Variants in PHKB observed in about 807,000 individuals in gnomAD.
PHKB encodes phosphorylase b kinase regulatory subunit beta.
PHKB carries 122 observed loss-of-function variants against 152.1 expected under a neutral mutation model. The ratio of observed to expected loss-of-function variants is 0.80; its 90% confidence interval spans 0.69 to 0.93. PHKB has a LOEUF of 0.93. PHKB is among the 40% of genes least tolerant of loss of function. The pLI is 0.00. For synonymous variants in PHKB, 436 were observed against 464.9 expected, an observed-to-expected ratio of 0.94 and a Z score of 0.80; for missense variants, 1,304 against 1,328.4, an observed-to-expected ratio of 0.98 and a Z score of 0.29.
At chr16:47,672,765 A>G (rs761926649) in intron 26 of PHKB, among the ~76,000 whole-genome samples, 1 of 152,016 alleles carries the variant, frequency 6.6e-6, no homozygotes, top group Admixed American at 6.6e-5. Flanking sequence ...CTTTCTATTC[A>G]TGGGAATGGA....
At position 47,682,953 on chromosome 16, in the gene PHKB, C is replaced by A. The variant is rs1033106562; in HGVS notation, c.2631-6088C>A. On this transcript the variant is annotated intron_variant, in intron 26 of 30. Transcript: ENST00000323584. ...ACAGAAGGGTTTTTGGTGTGGATGT[C>A]CTTTCTGTTTGTTAGTTTTCCTTCT... Among the ~76,000 whole-genome samples the A allele has an allele frequency of 3.3e-5, 5 of 152,254 alleles. No individual in the cohort carries two copies. In the East Asian group the frequency reaches 9.6e-4, roughly 29 times the overall value.
At chr16:47,570,936 T>C (rs1172949357) in intron 7 of PHKB, among the ~76,000 whole-genome samples, 3 of 152,168 alleles carry the variant, frequency 2.0e-5, no homozygotes, top group African/African-American at 7.2e-5. Flanking sequence ...TTATTGAATT[T>C]ACTTTTGATT....
rs560483607 is a variant in PHKB at position 47,654,386 on chromosome 16, C to T, written c.1971+3465C>T. 5.3e-5 allele frequency among the ~76,000 whole-genome samples: 8 copies of T among 152,238 alleles called. No homozygotes were observed. In the South Asian group the frequency reaches 8.3e-4, roughly 16 times the overall value. ...AAACTAGTTCAACCATTGTGGATGT[C>T]GGTGTGGCGATTCCTCAAGGATCTA... is the stretch of plus-strand genomic sequence containing the variant. On this transcript the variant is annotated intron_variant, in intron 20 of 30. Coordinates refer to ENST00000323584, the MANE Select transcript of PHKB (RefSeq NM_000293.3).
At chr16:47,565,714 G>A in intron 7 of PHKB, 2 of 1,470,956 alleles carry the variant, frequency 1.4e-6, no homozygotes, top group South Asian at 1.2e-5. Context: ...CTCTCCCGAG[G>A]CCATCGTTCT....
At position 47,650,567 on chromosome 16, in the gene PHKB, A is replaced by G. The variant is rs1567341713; in HGVS notation, c.1821A>G (p.Gln607=). 6 of 1,608,366 alleles carry G rather than the reference A, an allele frequency of 3.7e-6. No homozygotes were observed. Among genetic ancestry groups the G allele is most frequent in the East Asian group, 2.2e-5 (1 of 44,826 alleles). ...DIKNALQFIK[Q]YWKMHGRPLF... is the part of the protein sequence containing the mutation. ...AGAATGCGCTGCAGTTCATTAAACAATATTGGAAAATGCATGGACGTCCAC... is the reference window on the plus strand; with the variant it reads ...AGAATGCGCTGCAGTTCATTAAACAGTATTGGAAAATGCATGGACGTCCAC... Residue 607 remains glutamine (Q), a synonymous_variant, in exon 19 of 31, where the codon CAA becomes CAG. Coordinates refer to ENST00000323584, the MANE Select transcript of PHKB (RefSeq NM_000293.3).
intron 3 of PHKB, 103 bp downstream of exon 3, chr16:47,499,997 A>C: frequency 1.2e-5 from 16 of 1,314,678 alleles, no homozygotes; most frequent in Non-Finnish European, 1.8e-5. Flanking sequence ...CTGCTGACTC[A>C]CTGTGCGACC....
At chr16:47,588,473 C>A (rs1971972219) in intron 9 of PHKB, among the ~76,000 whole-genome samples, 1 of 151,890 alleles carries the variant, frequency 6.6e-6, no homozygotes, top group Admixed American at 6.6e-5. Context: ...TGATTGATAA[C>A]CTAGCTCTGT....
intron 6 of PHKB, among the ~76,000 whole-genome samples, chr16:47,516,323 C>T (rs1970596875): frequency 6.6e-6 from 1 of 152,132 alleles, no homozygotes; most frequent in Admixed American, 6.5e-5. Context: ...TGTAGGATCT[C>T]AGTAGGATTC....
At position 47,599,914 on chromosome 16, in the gene PHKB, A is replaced by T. The variant is rs185207687; in HGVS notation, c.1363+3383A>T. Reference sequence around the variant, plus strand: ...GTATACTAGCCCTAAGAACCATCAGACTTCTATGGATTTTCATTAAGATTC... The same window carrying T: ...GTATACTAGCCCTAAGAACCATCAGTCTTCTATGGATTTTCATTAAGATTC... On this transcript the variant is annotated intron_variant, in intron 13 of 30. Transcript: ENST00000323584. Among the ~76,000 whole-genome samples, 264 of 152,310 alleles carry T rather than the reference A, an allele frequency of 1.7e-3. 2 individuals are homozygous for T. The Middle Eastern group carries it at 0.024, about 14-fold the overall frequency.
rs1449068341 is a variant in PHKB, at chr16:47,588,932, A to G, written c.898A>G (p.Ile300Val). The change falls in exon 10 of 31, where the codon ATC becomes GTC. Residue 300 changes from isoleucine (I) to valine (V), a missense_variant. Physicochemically the swap from Ile to Val is conservative, Grantham distance 29. Coordinates refer to ENST00000323584, the MANE Select transcript of PHKB (RefSeq NM_000293.3). ...HNTDAALLPC[I>V]SYPAFALDDE... ...TACAGATGCTGCCCTGCTCCCCTGC[A>G]TCAGTTATCCTGCATTTGCCCTGGA... 6.2e-7 allele frequency: 1 copy of G among 1,613,988 alleles called. No individual in the cohort carries two copies.
chr16:47,683,811 G>A (rs1973910215), intron 26 of PHKB, among the ~76,000 whole-genome samples: 1 of 152,164 alleles, frequency 6.6e-6, no homozygotes, highest in African/African-American at 2.4e-5. Flanking sequence ...GATGAACCCA[G>A]TACCTCAGAT....
chr16:47,635,935 C>A (rs1972912169), intron 14 of PHKB, among the ~76,000 whole-genome samples: 2 of 152,150 alleles, frequency 1.3e-5, no homozygotes, highest in South Asian at 4.1e-4. Context: ...ACTTTTAAAT[C>A]CTGAATATTG....
intron 1 of PHKB, among the ~76,000 whole-genome samples, chr16:47,471,537 G>T (rs1969767900): frequency 6.6e-6 from 1 of 152,172 alleles, no homozygotes; most frequent in Non-Finnish European, 1.5e-5. Context: ...ACCATGCTGG[G>T]TGCATAGGGC....
Position 47,696,406 on chromosome 16 carries a change from T to C in PHKB, c.2921T>C (p.Met974Thr), listed in dbSNP as rs1974147199. The C allele has an allele frequency of 1.2e-6, 2 of 1,606,522 alleles. No individual in the cohort carries two copies. The highest frequency in any genetic ancestry group is 1.7e-6 in the Non-Finnish European group (2 of 1,173,060). ...PQQPTLSDMTMYEMNFSLLVE... is the reference protein window; with the variant it reads ...PQQPTLSDMTTYEMNFSLLVE... Reference sequence around the variant, plus strand: ...CAACCAACCCTGTCAGATATGACCATGTATGAGATGAATTTCTCTCTCCTT... The same window carrying C: ...CAACCAACCCTGTCAGATATGACCACGTATGAGATGAATTTCTCTCTCCTT... The change falls in exon 29 of 31, where the codon ATG becomes ACG. Residue 974 changes from methionine to threonine, a missense_variant. Physicochemically the swap from Met to Thr is moderately conservative, Grantham distance 81. Transcript: ENST00000323584.
rs550802236 is a variant in PHKB, at chr16:47,561,521, T to C, written c.710+13973T>C. On this transcript the variant is annotated intron_variant, in intron 7 of 30. Coordinates refer to ENST00000323584, the MANE Select transcript of PHKB (RefSeq NM_000293.3). Reference sequence around the variant, plus strand: ...AAGTCAGAGTCATCACACTGGACTTTTTGTGAATGCATTTTCTAGTTTTGA... The same window carrying C: ...AAGTCAGAGTCATCACACTGGACTTCTTGTGAATGCATTTTCTAGTTTTGA... 6.6e-5 allele frequency: 10 copies of C among 152,348 alleles called. 1 individual carries two copies. The East Asian group carries it at 1.5e-3, about 24-fold the overall frequency. The allele number at this position is 152,348 out of a possible 1,614,324, so 9.4% of individuals were successfully genotyped here.
intron 1 of PHKB, among the ~76,000 whole-genome samples, chr16:47,469,341 G>A (rs2151627294): frequency 6.6e-6 from 1 of 152,260 alleles, no homozygotes; most frequent in African/African-American, 2.4e-5. Flanking sequence ...CAAAGACATG[G>A]AATCAACCTA....
At chr16:47,514,934 A>G (rs993435527) in intron 5 of PHKB, among the ~76,000 whole-genome samples, 1 of 152,216 alleles carries the variant, frequency 6.6e-6, no homozygotes, top group African/African-American at 2.4e-5. Context: ...TTTAAATTAT[A>G]TTATACCATT....
At chr16:47,503,207 T>C (rs1970353454) in intron 4 of PHKB, 117 bp downstream of exon 4, 3 of 780,782 alleles carry the variant, frequency 3.8e-6, no homozygotes, top group Non-Finnish European at 6.6e-6. Context: ...AGCCACATCC[T>C]AGGGCGGCCT....
chr16:47,503,596 C>T (rs1372860131), intron 4 of PHKB, among the ~76,000 whole-genome samples: 1 of 152,044 alleles, frequency 6.6e-6, no homozygotes, highest in Admixed American at 6.6e-5. Context: ...TTTGGGAGGC[C>T]GAAGTGGGTG....
Sources: allele counts gnomAD v4.1 joint callset (sites outside exome capture counted in the v4.1 genomes callset), GRCh38; gene constraint gnomAD v4.1.1; transcripts MANE v1.5; gene names NCBI Gene and HGNC (gene_info 2026-07-23, HGNC 2026-07-21).